The following OSGIN1 variants were observed in gnomAD, a reference collection of about 807,000 sequenced individuals.
The protein encoded by OSGIN1 is oxidative stress-induced growth inhibitor 1.
Under a neutral mutation model 20.1 loss-of-function variants are expected in OSGIN1, and 19 were observed. That is an observed-to-expected ratio of 0.95 (90% CI 0.66 to 1.39). The LOEUF is 1.39. OSGIN1 is among the 40% of genes most tolerant of loss of function. OSGIN1 has a pLI of 0.00. For missense variants in OSGIN1, 820 were observed against 653.0 expected, an observed-to-expected ratio of 1.26 and a Z score of -2.79; for synonymous variants, 368 against 297.8, an observed-to-expected ratio of 1.24 and a Z score of -2.43.
At position 83,964,613 on chromosome 16, in the gene OSGIN1, A is replaced by G. The variant is rs1281878860; in HGVS notation, c.489-449A>G. On this transcript the variant is annotated intron_variant, in intron 5 of 5. Coordinates refer to ENST00000393306, the MANE Select transcript of OSGIN1 (RefSeq NM_182981.3). ...GACAATCATGGTGGCCTATCCTTACATGGCACTTACTTCCAGTCAGGTTCC... is the reference window on the plus strand; with the variant it reads ...GACAATCATGGTGGCCTATCCTTACGTGGCACTTACTTCCAGTCAGGTTCC... Among the ~76,000 whole-genome samples the G allele has an allele frequency of 8.5e-5, 13 of 152,174 alleles. No individual in the cohort carries two copies. In the East Asian group the frequency reaches 2.3e-3, roughly 27 times the overall value.
At position 83,966,096 on chromosome 16, in the gene OSGIN1, C is replaced by A; in HGVS notation, c.*89C>A. The A allele has an allele frequency of 8.9e-7, 1 of 1,118,090 alleles. No individual in the cohort carries two copies. Among genetic ancestry groups the A allele is most frequent in the South Asian group, 1.6e-5 (1 of 61,378 alleles). 69.3% of individuals were successfully genotyped at this position (1,118,090 alleles called of 1,614,324 possible). Reference sequence around the variant, plus strand: ...ATGCAGGACCCGTCCAAAGATGCCCCGGGGAGGGGTGTCAGCCCACGTTGC... The same window carrying A: ...ATGCAGGACCCGTCCAAAGATGCCCAGGGGAGGGGTGTCAGCCCACGTTGC... On this transcript the variant is annotated 3_prime_UTR_variant, in exon 6 of 6. Transcript: ENST00000393306.
At chr16:83,953,431 A>G (rs987679511) in intron 1 of OSGIN1, 61 bp downstream of exon 1, 34 of 1,275,126 alleles carry the variant, frequency 2.7e-5, no homozygotes, top group Middle Eastern at 2.1e-4. Flanking sequence ...CACCCGTGGC[A>G]AGCCCAGCTG....
At chr16:83,955,821 C>T (rs1031734248) in intron 1 of OSGIN1, among the ~76,000 whole-genome samples, 5 of 152,132 alleles carry the variant, frequency 3.3e-5, no homozygotes, top group African/African-American at 1.2e-4. Flanking sequence ...GTGACTGCAG[C>T]GTGTCACCTT....
At chr16:83,954,337 C>T (rs1298027384) in intron 1 of OSGIN1, 1 of 152,226 alleles carries the variant, frequency 6.6e-6, no homozygotes, top group South Asian at 2.1e-4. Context: ...AAACGTCAGT[C>T]GAAGGTGCAA....
intron 3 of OSGIN1, among the ~76,000 whole-genome samples, chr16:83,960,110 C>G (rs371787486): frequency 1.3e-4 from 20 of 152,088 alleles, no homozygotes; most frequent in African/African-American, 4.8e-4. Flanking sequence ...TCAAAGTGCT[C>G]TCTATAGAAT....
At chr16:83,956,825 C>G (rs1022265145) in intron 1 of OSGIN1, among the ~76,000 whole-genome samples, 5 of 152,248 alleles carry the variant, frequency 3.3e-5, no homozygotes, top group Non-Finnish European at 7.3e-5. Context: ...CTGGTGTCCG[C>G]TGCTAGCTGG....
At position 83,965,779 on chromosome 16, in the gene OSGIN1, C is replaced by A. The variant is rs370513864; in HGVS notation, c.1206C>A (p.Leu402=). ...VLVLIGSHPD[L]SFLPGAGADF... ...TCCTCATCGGCTCCCACCCCGACCT[C>A]TCCTTCCTGCCTGGGGCAGGGGCTG... is the stretch of plus-strand genomic sequence containing the variant. The change falls in exon 6 of 6, where the codon CTC becomes CTA. Residue 402 remains leucine (L), a synonymous_variant. Coordinates refer to ENST00000393306, the MANE Select transcript of OSGIN1 (RefSeq NM_182981.3). 1.2e-5 allele frequency: 20 copies of A among 1,613,188 alleles called. No homozygotes were observed. In the East Asian group the frequency reaches 3.6e-4, roughly 29 times the overall value.
chr16:83,957,285 G>C (rs992116892), intron 1 of OSGIN1, among the ~76,000 whole-genome samples: 1 of 152,170 alleles, frequency 6.6e-6, no homozygotes, highest in African/African-American at 2.4e-5. Flanking sequence ...GCTGGTTCCT[G>C]GGTTGGGCAG....
chr16:83,953,974 G>T, intron 1 of OSGIN1: 1 of 152,772 alleles, frequency 6.5e-6, no homozygotes, highest in Non-Finnish European at 1.5e-5. Flanking sequence ...CCGCTTGCGT[G>T]GACAGACCAC....
In OSGIN1 at chr16:83,961,302, A is replaced by G. The variant is rs2084208585; in HGVS notation, c.488+230A>G. 2.1e-5 allele frequency: 11 copies of G among 512,932 alleles called. No homozygotes were observed. In the South Asian group the frequency reaches 2.2e-4, roughly 10 times the overall value. 31.8% of individuals were successfully genotyped at this position (512,932 alleles called of 1,614,324 possible). A position where few individuals can be genotyped will look rare whatever the true frequency, so the allele number is the denominator to read the frequency against. ...ATCAATCAATATTTGTAAGAAGTAC[A>G]TTGGTTCGGTCTGGAAAGCTGGGCC... On this transcript the variant is annotated intron_variant, in intron 5 of 5. Coordinates refer to ENST00000393306, the MANE Select transcript of OSGIN1 (RefSeq NM_182981.3).
chr16:83,961,563 C>T (rs11640892), intron 5 of OSGIN1, among the ~76,000 whole-genome samples: 14,887 of 152,122 alleles, frequency 0.098, 934 homozygotes, highest in South Asian at 0.14. Flanking sequence ...TTTCACAGGC[C>T]CCCCACAGTG....
At chr16:83,963,053 T>A (rs542578917) in intron 5 of OSGIN1, among the ~76,000 whole-genome samples, 2 of 152,306 alleles carry the variant, frequency 1.3e-5, no homozygotes, top group African/African-American at 2.4e-5. Context: ...GCAGTCTGCC[T>A]CTCGGGAAGC....
intron 5 of OSGIN1, 47 bp downstream of exon 5, chr16:83,961,119 G>C: frequency 6.9e-7 from 1 of 1,446,522 alleles, no homozygotes; most frequent in Non-Finnish European, 9.7e-7. Flanking sequence ...GGTTGGGCCT[G>C]TGAACCCAGA....
At chr16:83,957,859 T>TTTTATTTATTTATTTA (rs113116538) in intron 2 of OSGIN1, 121 bp downstream of exon 2, 68 of 367,958 alleles carry the variant, frequency 1.8e-4, no homozygotes, top group African/African-American at 7.4e-4. Flanking sequence ...GGGGTTTATT[T>TTTTATTTATTTATTTA]TTTATTTATT....
intron 1 of OSGIN1, 79 bp downstream of exon 1, chr16:83,953,449 G>A: frequency 1.6e-6 from 2 of 1,232,790 alleles, no homozygotes; most frequent in Non-Finnish European, 2.1e-6. Flanking sequence ...CTGGACCGGA[G>A]GGTCTGCAGA....
At position 83,965,567 on chromosome 16, in the gene OSGIN1, A is replaced by G. The variant is rs2084268696; in HGVS notation, c.994A>G (p.Met332Val). Residue 332 changes from methionine to valine, a missense_variant, in exon 6 of 6, where the codon ATG (methionine) becomes GTG (valine). Physicochemically the swap from Met to Val is conservative, Grantham distance 21 (BLOSUM62 1). Transcript: ENST00000393306. ...PGLVFNQLPK[M>V]LYPEYHKVHQ... ...CCTGGTGTTCAACCAGCTGCCCAAG[A>G]TGCTGTACCCCGAGTACCACAAGGT... 1 of 1,612,870 alleles carries G rather than the reference A, an allele frequency of 6.2e-7. No individual in the cohort carries two copies. Among genetic ancestry groups the G allele is most frequent in the South Asian group, 1.1e-5 (1 of 91,080 alleles).
At chr16:83,958,961 T>C (rs1909071296) in intron 2 of OSGIN1, among the ~76,000 whole-genome samples, 1 of 152,184 alleles carries the variant, frequency 6.6e-6, no homozygotes, top group South Asian at 2.1e-4. Context: ...TGTGCCCATT[T>C]CCTCAAGTAT....
rs758151031 is a variant in OSGIN1 at position 83,965,662 on chromosome 16, G to T, written c.1089G>T (p.Arg363Ser). The change falls in exon 6 of 6, where the codon AGG becomes AGT. Residue 363 changes from arginine to serine, a missense_variant. Physicochemically the swap from Arg to Ser is moderately radical, Grantham distance 110. Transcript: ENST00000393306. ...ATGAGGGTTACCGCAGCCTCCCCAG[G>T]CACCAGCTGCTGTGCTTCAAGGAAG... ...SPYEGYRSLP[R>S]HQLLCFKEDC... is the part of the protein sequence containing the mutation. 4 of 1,613,442 alleles carry T rather than the reference G, an allele frequency of 2.5e-6. No individual in the cohort carries two copies. Among genetic ancestry groups the T allele is most frequent in the Non-Finnish European group, 3.4e-6 (4 of 1,180,012 alleles).
intron 4 of OSGIN1, 90 bp from the exon 5 acceptor site, chr16:83,960,891 C>T (rs1456563610): frequency 9.3e-6 from 14 of 1,504,614 alleles, no homozygotes; most frequent in Non-Finnish European, 6.4e-6. Flanking sequence ...CCTCCCTCTA[C>T]CCAGCCCCAG....
Sources: gnomAD v4.1 joint callset for allele counts (sites outside exome capture counted in the v4.1 genomes callset) on GRCh38, gnomAD v4.1.1 for gene constraint, MANE v1.5 for transcripts, NCBI Gene and HGNC (gene_info 2026-07-23, HGNC 2026-07-21) for gene names.